The following POLG variants were observed in gnomAD, a reference collection of about 807,000 sequenced individuals.
POLG encodes DNA polymerase subunit gamma-1.
In POLG, 110 loss-of-function variants were observed where a neutral mutation model predicts 155.4. The ratio of observed to expected loss-of-function variants is 0.71; its 90% confidence interval spans 0.61 to 0.83. The LOEUF (loss-of-function observed/expected upper bound fraction) is 0.83. Ranked by LOEUF, POLG falls within the 40% of genes least tolerant of loss-of-function variation. POLG has a pLI of 0.00. For synonymous variants in POLG, 701 were observed against 631.5 expected (o/e 1.11, Z -1.65); for missense variants, 1,685 against 1,627.5 (o/e 1.04, Z -0.61).
Position 89,318,973 on chromosome 15 carries a change from G to T in POLG, c.3231C>A (p.Cys1077Ter). Residue 1077 changes from cysteine (C) to a stop codon, truncating the protein, a stop_gained, in exon 20 of 23, where the codon TGC (cysteine) becomes TGA (stop). Transcript: ENST00000268124. LOFTEE classifies it high-confidence loss of function. ...AGGGCTCCAGGGCTCGGCTGATGCA[G>T]CAGCCCAGCACCGGGGTACGTGGTA... ...SDIPRTPVLGCCISRALEPSA... is the reference protein window; with the variant it reads ...SDIPRTPVLG The T allele has an allele frequency of 6.2e-7, 1 of 1,614,130 alleles. No homozygotes were observed. The highest frequency in any genetic ancestry group is 8.5e-7 in the Non-Finnish European group (1 of 1,179,994).
At chr15:89,328,385 C>G in intron 6 of POLG, 71 bp downstream of exon 6, 1 of 1,216,704 alleles carries the variant, frequency 8.2e-7, no homozygotes, top group Non-Finnish European at 1.2e-6. Context: ...ACCAGCGCCA[C>G]CTGATTACAG....
chr15:89,316,926 G>A lies in POLG; in HGVS notation c.3644-99C>T, dbSNP rs3176241. The A allele has an allele frequency of 2.9e-3, 2,554 of 883,040 alleles. 40 individuals carry two copies. In the African/African-American group the frequency reaches 0.037, roughly 13 times the overall value. 54.7% of individuals were successfully genotyped at this position (883,040 alleles called of 1,614,324 possible). A position where few individuals can be genotyped will look rare whatever the true frequency, so the allele number is the denominator to read the frequency against. Reference sequence around the variant, plus strand: ...GCTTAATGCTAAGGTCAAAAGGAGAGTGAAAGGTTGAGAACAATTGCCACG... The same window carrying A: ...GCTTAATGCTAAGGTCAAAAGGAGAATGAAAGGTTGAGAACAATTGCCACG... On this transcript the variant is annotated intron_variant, in intron 22 of 22. Coordinates refer to ENST00000268124, the MANE Select transcript of POLG (RefSeq NM_002693.3).
chr15:89,325,073 T>TGAGTGAGAGAGA (rs2055461577), intron 10 of POLG, among the ~76,000 whole-genome samples: 1 of 74,374 alleles, frequency 1.3e-5, no homozygotes, highest in African/African-American at 7.9e-5. Flanking sequence ...AGTGAGTGAG[T>TGAGTGAGAGAGA]GAGTGAGTGA....
rs143631183 is a variant in POLG at position 89,330,138 on chromosome 15, C to A, written c.798G>T (p.Val266=). ...PTQRDWQEQL[V]VGHNVSFDRA... is the part of the protein sequence containing the mutation. Reference sequence around the variant, plus strand: ...GGTCAAAGGAAACATTGTGCCCCACCACTAACTGCTCCTGCCAGTCTCTCT... The same window carrying A: ...GGTCAAAGGAAACATTGTGCCCCACAACTAACTGCTCCTGCCAGTCTCTCT... The change falls in exon 3 of 23, where the codon GTG becomes GTT. Residue 266 remains valine (V), a synonymous_variant. Coordinates refer to ENST00000268124, the MANE Select transcript of POLG (RefSeq NM_002693.3). 567 of 1,613,934 alleles carry A rather than the reference C, an allele frequency of 3.5e-4. 1 individual carries two copies. Among genetic ancestry groups the A allele is most frequent in the Middle Eastern group, 1.3e-3 (8 of 6,084 alleles).
intron 9 of POLG, 61 bp from the exon 10 acceptor site, chr15:89,325,747 T>TTC: frequency 7.7e-7 from 1 of 1,305,270 alleles, no homozygotes; most frequent in Non-Finnish European, 1.1e-6. Context: ...GGGGGGAAGG[T>TTC]TCTCTCTCTC....
At chr15:89,318,072 TAA>T (rs2055329173) in intron 21 of POLG, 1 of 220,050 alleles carries the variant, frequency 4.5e-6, no homozygotes, top group South Asian at 5.8e-5. Context: ...ATAAAATATA[TAA>T]GATATTTTTA....
rs2055272700 is a variant in POLG, at chr15:89,316,576, C to A, written c.*175G>T. 4.3e-5 allele frequency: 49 copies of A among 1,138,264 alleles called. 1 individual carries two copies. The South Asian group carries it at 6.4e-4, about 15-fold the overall frequency. The allele number at this position is 1,138,264 out of a possible 1,614,324, so 70.5% of individuals were successfully genotyped here. On this transcript the variant is annotated 3_prime_UTR_variant, in exon 23 of 23. Transcript: ENST00000268124. ...TGTTGGCATCTTGGTTCTGAACCCA[C>A]TGAATTCAACTGCACCTTCAGTTAG...
Position 89,325,049 on chromosome 15 carries a change from T to TGAGTGAGAGAGTGAGTGAGTGAGA in POLG, c.1949+400_1949+401insTCTCACTCACTCACTCTCTCACTC, listed in dbSNP as rs2055456123. On this transcript the variant is annotated intron_variant, in intron 10 of 22. Transcript: ENST00000268124. ...AACCTGAACCCAGAGAGTGAGTGAGTGAGTGAGAGAGTGAGTGAGTGAGTG... is the reference window on the plus strand; with the variant it reads ...AACCTGAACCCAGAGAGTGAGTGAGTGAGTGAGAGAGTGAGTGAGTGAGAGAGTGAGAGAGTGAGTGAGTGAGTG... Among the ~76,000 whole-genome samples the TGAGTGAGAGAGTGAGTGAGTGAGA allele has an allele frequency of 1.8e-5, 2 of 113,032 alleles. 1 individual carries two copies. Among genetic ancestry groups the TGAGTGAGAGAGTGAGTGAGTGAGA allele is most frequent in the African/African-American group, 1.2e-4 (2 of 16,146 alleles). The allele number at this position is 113,032 out of a possible 152,430, so 74.2% of individuals were successfully genotyped here. A position where few individuals can be genotyped will look rare whatever the true frequency, so the allele number is the denominator to read the frequency against.
rs1224775691 is a variant in POLG, at chr15:89,325,377, T to C, written c.1949+73A>G. On this transcript the variant is annotated intron_variant, in intron 10 of 22. Transcript: ENST00000268124. ...ACTCTTGAACCCAAACTCTTTCCAC[T>C]AGCCTGAGCTGACCAGCCAGGGGAA... 4 of 1,056,368 alleles carry C rather than the reference T, an allele frequency of 3.8e-6. No individual in the cohort carries two copies. In the East Asian group the frequency reaches 9.5e-5, roughly 25 times the overall value. The allele number at this position is 1,056,368 out of a possible 1,614,324, so 65.4% of individuals were successfully genotyped here. A position where few individuals can be genotyped will look rare whatever the true frequency, so the allele number is the denominator to read the frequency against.
In POLG at chr15:89,333,216, G is replaced by A. The variant is rs1243945619; in HGVS notation, c.539C>T (p.Pro180Leu). The A allele has an allele frequency of 6.3e-7, 1 of 1,577,598 alleles. No individual in the cohort carries two copies. The highest frequency in any genetic ancestry group is 1.1e-5 in the South Asian group (1 of 87,570). Residue 180 changes from proline (P) to leucine (L), a missense_variant, in exon 2 of 23, where the codon CCC becomes CTC. Pro to Leu is a moderately conservative substitution (Grantham distance 98). Transcript: ENST00000268124. ...AWAEGWTRYG[P>L]EGEAVPVAIP... ...GGCCACGGGTACGGCCTCCCCCTCG[G>A]GGCCGTACCGGGTCCAGCCCTCCGC...
chr15:89,330,502 A>G (rs1010769347), intron 2 of POLG, among the ~76,000 whole-genome samples: 2 of 152,210 alleles, frequency 1.3e-5, no homozygotes, highest in Non-Finnish European at 2.9e-5. Context: ...ACTTCTGCAC[A>G]TAAAAATGGA....
chr15:89,332,752 G>A (rs1217611451), intron 2 of POLG, among the ~76,000 whole-genome samples: 1 of 152,138 alleles, frequency 6.6e-6, no homozygotes, highest in Admixed American at 6.6e-5. Context: ...CTGTTCAAAT[G>A]ACTTTTCAGA....
At chr15:89,328,329 C>A in intron 6 of POLG, 127 bp downstream of exon 6, 1 of 756,190 alleles carries the variant, frequency 1.3e-6, no homozygotes, top group Non-Finnish European at 2.4e-6. Flanking sequence ...CAGAAGGGCT[C>A]CATTCTTTCA....
intron 12 of POLG, 106 bp downstream of exon 12, chr15:89,323,708 AC>A (rs888869891): frequency 3.0e-6 from 3 of 1,014,410 alleles, no homozygotes; most frequent in Admixed American, 3.4e-5. Context: ...GGCATCTCCA[AC>A]CCCCTTAAGA....
chr15:89,319,083 A>C lies in POLG; in HGVS notation c.3121T>G (p.Trp1041Gly). 2 of 1,613,898 alleles carry C rather than the reference A, an allele frequency of 1.2e-6. No homozygotes were observed. The highest frequency in any genetic ancestry group is 1.7e-6 in the Non-Finnish European group (2 of 1,179,966). The change falls in exon 20 of 23, where the codon TGG (tryptophan) becomes GGG (glycine). Residue 1041 changes from tryptophan (W) to glycine (G), a missense_variant. Trp to Gly is a radical substitution (Grantham distance 184). Coordinates refer to ENST00000268124, the MANE Select transcript of POLG (RefSeq NM_002693.3). ...CATGCCCGTTCAGCAACCACCTCCC[A>C]CTTCTTCCACTGTGACCTAAGGGAC... ...ETARKSQWKK[W>G]EVVAERAWKG...
At position 89,320,747 on chromosome 15, in the gene POLG, A is replaced by T. The variant is rs774480291; in HGVS notation, c.2981+19T>A. The T allele has an allele frequency of 3.7e-6, 6 of 1,611,762 alleles. No homozygotes were observed. The highest frequency in any genetic ancestry group is 5.1e-6 in the Non-Finnish European group (6 of 1,179,890). Reference sequence around the variant, plus strand: ...CCTCGGGTCCTGGGTGTTAAAGTGGATGGGAGAGGGACCCTCACCAGCGGA... The same window carrying T: ...CCTCGGGTCCTGGGTGTTAAAGTGGTTGGGAGAGGGACCCTCACCAGCGGA... On this transcript the variant is annotated intron_variant, in intron 18 of 22. Coordinates refer to ENST00000268124, the MANE Select transcript of POLG (RefSeq NM_002693.3).
Position 89,324,230 on chromosome 15 carries a change from G to C in POLG, c.1950-3C>G. On this transcript the variant is annotated splice_polypyrimidine_tract_variant and splice_region_variant and intron_variant, in intron 10 of 22. Transcript: ENST00000268124. Reference sequence around the variant, plus strand: ...TCCTGTACAGGGACTCGATGGCTCTGGGCAGAGAACAGTAGCAGCAGCAGC... The same window carrying C: ...TCCTGTACAGGGACTCGATGGCTCTCGGCAGAGAACAGTAGCAGCAGCAGC... The C allele has an allele frequency of 6.2e-7, 1 of 1,612,158 alleles. No individual in the cohort carries two copies. The highest frequency in any genetic ancestry group is 8.5e-7 in the Non-Finnish European group (1 of 1,180,016).
rs189937835 is a variant in POLG at position 89,317,134 on chromosome 15, T to C, written c.3643+242A>G. ...AGAATAAATTATCTTTAAACATTTC[T>C]TCTGTGGTTGAAGTAGGGGACAGGT... is the stretch of plus-strand genomic sequence containing the variant. On this transcript the variant is annotated intron_variant, in intron 22 of 22. Coordinates refer to ENST00000268124, the MANE Select transcript of POLG (RefSeq NM_002693.3). 8.4e-6 allele frequency: 5 copies of C among 598,052 alleles called. No individual in the cohort carries two copies. In the East Asian group the frequency reaches 1.4e-4, roughly 17 times the overall value. 37.0% of individuals were successfully genotyped at this position (598,052 alleles called of 1,614,324 possible). A position where few individuals can be genotyped will look rare whatever the true frequency, so the allele number is the denominator to read the frequency against.
At chr15:89,327,141 A>G in intron 7 of POLG, 26 bp downstream of exon 7, 1 of 1,614,202 alleles carries the variant, frequency 6.2e-7, no homozygotes, top group East Asian at 2.2e-5. Flanking sequence ...CCCTGCCTAG[A>G]TCCTGCCCAC....
Sources: gnomAD v4.1 joint callset for allele counts (sites outside exome capture counted in the v4.1 genomes callset) on GRCh38, gnomAD v4.1.1 for gene constraint, MANE v1.5 for transcripts, NCBI Gene and HGNC (gene_info 2026-07-23, HGNC 2026-07-21) for gene names.